The following TMPRSS3 variants were observed in gnomAD, a reference collection of about 807,000 sequenced individuals.
The protein encoded by TMPRSS3 is transmembrane serine protease 3, also known as transmembrane protease serine 3.
A neutral mutation model predicts 59.6 loss-of-function variants in TMPRSS3; 55 were observed. The ratio of observed to expected loss-of-function variants is 0.92; its 90% confidence interval spans 0.74 to 1.16. TMPRSS3 has a LOEUF of 1.16. TMPRSS3 is among the 50% of genes most tolerant of loss of function. TMPRSS3 has a pLI of 0.00. For missense variants in TMPRSS3, 596 were observed against 579.4 expected (o/e 1.03, Z -0.29); for synonymous variants, 257 against 237.7 (o/e 1.08, Z -0.75).
chr21:42,385,568 G>A (rs2052621658), intron 5 of TMPRSS3, 34 bp from the exon 6 acceptor site: 1 of 1,613,332 alleles, frequency 6.2e-7, no homozygotes. Context: ...ACCCGACGTG[G>A]TAACTTTACA....
chr21:42,380,345 G>A, intron 9 of TMPRSS3, 133 bp from the exon 10 acceptor site: 1 of 760,358 alleles, frequency 1.3e-6, no homozygotes, highest in Non-Finnish European at 2.3e-6. Flanking sequence ...TTGGTTACTT[G>A]AAAACGATCA....
rs8129105 is a variant in TMPRSS3 at position 42,383,303 on chromosome 21, T to C, written c.617-105A>G. On this transcript the variant is annotated intron_variant, in intron 7 of 12. Coordinates refer to ENST00000644384, the MANE Select transcript of TMPRSS3 (RefSeq NM_001256317.3). ...CCTCTCTCCCCACCCTCACTGCCCC[T>C]GCTCCCAGAGCTCACAGCAGCTCTA... The C allele has an allele frequency of 0.47, 570,262 of 1,220,382 alleles. 141,812 individuals carry two copies. The highest frequency in any genetic ancestry group is 0.86 in the African/African-American group (57,995 of 67,112). The allele number at this position is 1,220,382 out of a possible 1,614,324, so 75.6% of individuals were successfully genotyped here.
intron 3 of TMPRSS3, among the ~76,000 whole-genome samples, chr21:42,389,314 T>A (rs2052694522): frequency 6.6e-6 from 1 of 152,106 alleles, no homozygotes; most frequent in African/African-American, 2.4e-5. Context: ...GGTCTCAAGG[T>A]CAAGAGAGAA....
At chr21:42,393,660 G>T (rs1368893568) in intron 2 of TMPRSS3, among the ~76,000 whole-genome samples, 1 of 152,148 alleles carries the variant, frequency 6.6e-6, no homozygotes, top group Non-Finnish European at 1.5e-5. Context: ...TATAGAAAAC[G>T]GTTGGAGAGA....
chr21:42,383,609 C>G, intron 7 of TMPRSS3: 1 of 521,498 alleles, frequency 1.9e-6, no homozygotes, highest in Non-Finnish European at 3.6e-6. Context: ...GTGAACACTC[C>G]CCTCTGCCAG....
At chr21:42,382,388 T>G in intron 8 of TMPRSS3, 154 bp from the exon 9 acceptor site, 1 of 712,410 alleles carries the variant, frequency 1.4e-6, no homozygotes, top group Non-Finnish European at 2.5e-6. Context: ...TATATGCAAC[T>G]GCACTGCCAC....
intron 6 of TMPRSS3, among the ~76,000 whole-genome samples, chr21:42,384,343 A>G (rs1011284232): frequency 1.3e-5 from 2 of 152,148 alleles, no homozygotes; most frequent in African/African-American, 4.8e-5. Context: ...GATTCAGCCC[A>G]ATGTTCTCCA....
In TMPRSS3 at chr21:42,383,830, T is replaced by A. The variant is rs773452948; in HGVS notation, c.616+140A>T. 3 of 856,518 alleles carry A rather than the reference T, an allele frequency of 3.5e-6. No individual in the cohort carries two copies. In the South Asian group the frequency reaches 4.3e-5, roughly 12 times the overall value. 53.1% of individuals were successfully genotyped at this position (856,518 alleles called of 1,614,324 possible). ...GACACTGCTCCCCTCCTCCAGCAGGTAGGGGTACACAGAGTTCCCGCCTGG... is the reference window on the plus strand; with the variant it reads ...GACACTGCTCCCCTCCTCCAGCAGGAAGGGGTACACAGAGTTCCCGCCTGG... On this transcript the variant is annotated intron_variant, in intron 7 of 12. Transcript: ENST00000644384.
chr21:42,372,002 C>A lies in TMPRSS3; in HGVS notation c.*760G>T. 1 of 454,542 alleles carries A rather than the reference C, an allele frequency of 2.2e-6. No homozygotes were observed. Among genetic ancestry groups the A allele is most frequent in the South Asian group, 1.6e-5 (1 of 64,482 alleles). The allele number at this position is 454,542 out of a possible 1,614,324, so 28.2% of individuals were successfully genotyped here. On this transcript the variant is annotated 3_prime_UTR_variant, in exon 13 of 13. Transcript: ENST00000644384. ...AAACGAGTCATTCCTAGATTAACCT[C>A]CCCACATGTGAAAATAAGTCTTGGA... is the stretch of plus-strand genomic sequence containing the variant.
Position 42,390,449 on chromosome 21 carries a change from C to T in TMPRSS3, c.95-412G>A, listed in dbSNP as rs186879982. On this transcript the variant is annotated intron_variant, in intron 2 of 12. Transcript: ENST00000644384. ...CCCTTATAAAAAGGGGGAAAACAGC[C>T]GGGTGCAGTGGCTCACTCCTGTAAT... The T allele has an allele frequency of 1.8e-4, 43 of 239,086 alleles. No individual in the cohort carries two copies. The East Asian group carries it at 1.8e-3, about 10-fold the overall frequency. 14.8% of individuals were successfully genotyped at this position (239,086 alleles called of 1,614,324 possible).
chr21:42,387,535 C>A (rs2146446410), intron 5 of TMPRSS3, among the ~76,000 whole-genome samples: 1 of 152,182 alleles, frequency 6.6e-6, no homozygotes, highest in South Asian at 2.1e-4. Flanking sequence ...GGGAGGCAGA[C>A]CTCAGGGCTG....
In TMPRSS3 at chr21:42,380,181, A is replaced by G. The variant is rs749947184; in HGVS notation, c.984T>C (p.Ser328=). The G allele has an allele frequency of 6.2e-7, 1 of 1,614,164 alleles. No individual in the cohort carries two copies. The highest frequency in any genetic ancestry group is 1.7e-5 in the Admixed American group (1 of 60,024). Residue 328 remains serine (S), a synonymous_variant, in exon 10 of 13, where the codon TCT becomes TCC. Coordinates refer to ENST00000644384, the MANE Select transcript of TMPRSS3 (RefSeq NM_001256317.3). ...EMIQPVCLPN[S]EENFPDGKVC... ...CTTTTCCATCGGGGAAGTTCTCTTC[A>G]GAGTTGGGCAGGCACACAGGCTGGA...
At position 42,376,721 on chromosome 21, in the gene TMPRSS3, A is replaced by T. The variant is rs774452631; in HGVS notation, c.1049-38T>A. On this transcript the variant is annotated intron_variant, in intron 10 of 12. Coordinates refer to ENST00000644384, the MANE Select transcript of TMPRSS3 (RefSeq NM_001256317.3). ...GAGTGAGGGGATGTGTGTGAGAAGG[A>T]AGCCCGGCCCAAAACACAGAAGGCG... is the stretch of plus-strand genomic sequence containing the variant. The T allele has an allele frequency of 2.2e-5, 36 of 1,613,266 alleles. 1 individual carries two copies. The South Asian group carries it at 3.8e-4, about 17-fold the overall frequency.
At chr21:42,377,073 A>T (rs1448240211) in intron 10 of TMPRSS3, among the ~76,000 whole-genome samples, 1 of 152,178 alleles carries the variant, frequency 6.6e-6, no homozygotes, top group African/African-American at 2.4e-5. Flanking sequence ...AGGGTCACTC[A>T]CTCAGCGTCT....
chr21:42,375,705 G>A lies in TMPRSS3; in HGVS notation c.1344+11C>T, dbSNP rs372132770. 2.1e-5 allele frequency: 34 copies of A among 1,613,514 alleles called. 1 individual carries two copies. Among genetic ancestry groups the A allele is most frequent in the African/African-American group, 9.3e-5 (7 of 74,876 alleles). On this transcript the variant is annotated intron_variant, in intron 12 of 12. Coordinates refer to ENST00000644384, the MANE Select transcript of TMPRSS3 (RefSeq NM_001256317.3). ...AGGGACAACGTGAGCTGGGGAGGGCGCCGCACCCACCTCCATCTGCTCGTG... is the reference window on the plus strand; with the variant it reads ...AGGGACAACGTGAGCTGGGGAGGGCACCGCACCCACCTCCATCTGCTCGTG...
At chr21:42,383,803 A>T in intron 7 of TMPRSS3, 167 bp downstream of exon 7, 1 of 761,006 alleles carries the variant, frequency 1.3e-6, no homozygotes, top group Admixed American at 2.0e-5. Context: ...ACAGGTGAGG[A>T]TGACACTGCT....
chr21:42,384,051 C>T (rs1193402949), intron 6 of TMPRSS3, 38 bp from the exon 7 acceptor site: 2 of 1,609,172 alleles, frequency 1.2e-6, no homozygotes, highest in Non-Finnish European at 1.7e-6. Context: ...GAAAAATGCC[C>T]CAGATCTGTG....
chr21:42,376,036 GA>G (rs1175321484), intron 11 of TMPRSS3, among the ~76,000 whole-genome samples, 168 bp from the exon 12 acceptor site: 1 of 152,156 alleles, frequency 6.6e-6, no homozygotes, highest in Non-Finnish European at 1.5e-5. Context: ...AGCCCTTCCA[GA>G]CACAGCATCC....
At chr21:42,380,553 G>T (rs1321759254) in intron 9 of TMPRSS3, among the ~76,000 whole-genome samples, 1 of 152,214 alleles carries the variant, frequency 6.6e-6, no homozygotes, top group Non-Finnish European at 1.5e-5. Flanking sequence ...GACAGCCCCA[G>T]GTAACAGGTA....
Sources: allele counts gnomAD v4.1 joint callset (sites outside exome capture counted in the v4.1 genomes callset), GRCh38; gene constraint gnomAD v4.1.1; transcripts MANE v1.5; gene names NCBI Gene and HGNC (gene_info 2026-07-23, HGNC 2026-07-21).